PFKL: variants seen among roughly 807,000 people sequenced by gnomAD.
PFKL encodes the protein ATP-dependent 6-phosphofructokinase, liver type.
In PFKL, 74 loss-of-function variants were observed where a neutral mutation model predicts 92.1. That is an observed-to-expected ratio of 0.80 (90% CI 0.67 to 0.97). The LOEUF (loss-of-function observed/expected upper bound fraction) is 0.97. PFKL is among the 50% of genes least tolerant of loss of function. The probability of loss-of-function intolerance (pLI) is 0.00; values close to 1 mark genes in which losing one functional copy is unlikely to be tolerated. For synonymous variants in PFKL, 494 were observed against 456.4 expected, an observed-to-expected ratio of 1.08 and a Z score of -1.05; for missense variants, 1,028 against 1,116.6, an observed-to-expected ratio of 0.92 and a Z score of 1.13.
chr21:44,316,629 T>C (rs947503688), intron 9 of PFKL, 105 bp downstream of exon 9: 4 of 830,754 alleles, frequency 4.8e-6, no homozygotes, highest in Non-Finnish European at 7.5e-6. Flanking sequence ...ACTGTGTCCA[T>C]GTGGCTGTGG....
Position 44,300,149 on chromosome 21 carries a change from G to T in PFKL, c.44G>T (p.Gly15Val). Residue 15 changes from glycine to valine, a missense_variant, in exon 1 of 22, where the codon GGC (glycine) becomes GTC (valine). Physicochemically the swap from Gly to Val is moderately radical, Grantham distance 109 (BLOSUM62 -3). Transcript: ENST00000349048. ...DLEKLRASGA[G>V]KAIGVLTSGG... is the part of the protein sequence containing the mutation. Reference sequence around the variant, plus strand: ...GAGAAGCTGCGGGCGTCGGGCGCGGGCAAGGCCATCGGCGTCCTGACCAGC... The same window carrying T: ...GAGAAGCTGCGGGCGTCGGGCGCGGTCAAGGCCATCGGCGTCCTGACCAGC... 1.7e-6 allele frequency: 2 copies of T among 1,196,152 alleles called. No individual in the cohort carries two copies. The highest frequency in any genetic ancestry group is 2.1e-6 in the Non-Finnish European group (2 of 949,220). 74.1% of individuals were successfully genotyped at this position (1,196,152 alleles called of 1,614,324 possible).
In PFKL at chr21:44,309,449, CAG is replaced by C. The variant is rs1034030556; in HGVS notation, c.160-1554_160-1553del. The stretch of plus-strand genomic sequence containing the variant: ...GGGCCTAGGAGGACAGAGACGGAAA[CAG>C]AGTGGGTAGAGGGGGGCAAACAGCT... On this transcript the variant is annotated intron_variant, in intron 2 of 21. Coordinates refer to ENST00000349048, the MANE Select transcript of PFKL (RefSeq NM_002626.6). Among the ~76,000 whole-genome samples, 6 of 152,046 alleles carry C rather than the reference CAG, an allele frequency of 3.9e-5. No homozygotes were observed. In the South Asian group the frequency reaches 8.3e-4, roughly 21 times the overall value.
At position 44,304,204 on chromosome 21, in the gene PFKL, C is replaced by A. The variant is rs1208186738; in HGVS notation, c.86-2477C>A. On this transcript the variant is annotated intron_variant, in intron 1 of 21. Transcript: ENST00000349048. ...AAAGCAGGTTTTATTTTGCAGAGCA[C>A]CCTGAAGACATTTGGAAGTGAGGGG... 90 of 1,287,732 alleles carry A rather than the reference C, an allele frequency of 7.0e-5. 3 individuals carry two copies. Among genetic ancestry groups the A allele is most frequent in the South Asian group, 2.2e-4 (18 of 80,778 alleles). 79.8% of individuals were successfully genotyped at this position (1,287,732 alleles called of 1,614,324 possible).
At chr21:44,315,511 A>G (rs527729981) in intron 7 of PFKL, 3 of 152,748 alleles carry the variant, frequency 2.0e-5, no homozygotes, top group African/African-American at 7.2e-5. Flanking sequence ...AGCTGCTCCA[A>G]CCCTGTCCCT....
chr21:44,319,934 C>A (rs2047315314), intron 11 of PFKL, 150 bp from the exon 12 acceptor site: 2 of 673,806 alleles, frequency 3.0e-6, no homozygotes, highest in Non-Finnish European at 5.3e-6. Flanking sequence ...AGGTGCCCTG[C>A]CTGGCATGCG....
At chr21:44,304,362 C>G (rs1367048425) in intron 1 of PFKL, 2 of 1,282,634 alleles carry the variant, frequency 1.6e-6, no homozygotes, top group Admixed American at 2.4e-5. Context: ...CCGCCTGGAG[C>G]TGGGGAGACC....
intron 1 of PFKL, among the ~76,000 whole-genome samples, chr21:44,303,970 G>A (rs1320788000): frequency 6.6e-6 from 1 of 150,952 alleles, no homozygotes; most frequent in Non-Finnish European, 1.5e-5. Flanking sequence ...GTCTTTTGAA[G>A]ATTACAGCTT....
At chr21:44,326,595 T>G (rs2047518114) in intron 21 of PFKL, 120 bp from the exon 22 acceptor site, 2 of 1,240,756 alleles carry the variant, frequency 1.6e-6, no homozygotes, top group Non-Finnish European at 2.2e-6. Context: ...TACCGAGATG[T>G]TCAGACAGAG....
chr21:44,305,640 C>T (rs962326024), intron 1 of PFKL, among the ~76,000 whole-genome samples: 3 of 152,168 alleles, frequency 2.0e-5, no homozygotes, highest in African/African-American at 4.8e-5. Flanking sequence ...TGGCCGCTGG[C>T]GTGGGTTTCC....
At chr21:44,324,681 G>C (rs368143244) in intron 17 of PFKL, 26 bp downstream of exon 17, 2 of 1,566,210 alleles carry the variant, frequency 1.3e-6, no homozygotes, top group Admixed American at 3.5e-5. Flanking sequence ...CCCCTGCTGC[G>C]GCAGACCTGC....
chr21:44,307,362 T>C, intron 2 of PFKL: 1 of 952,606 alleles, frequency 1.0e-6, no homozygotes, highest in Non-Finnish European at 1.2e-6. Flanking sequence ...CTCACACATG[T>C]GCACACACAG....
Position 44,326,830 on chromosome 21 carries a change from C to G in PFKL, c.2311C>G (p.Arg771Gly), listed in dbSNP as rs1193605600. ...GTCAGGGGAGCTGGAGCACGTGACCCGCCGCACCCTGAGCATGGACAAGGG... is the reference window on the plus strand; with the variant it reads ...GTCAGGGGAGCTGGAGCACGTGACCGGCCGCACCCTGAGCATGGACAAGGG... Reference protein sequence around the residue: ...YVSGELEHVTRRTLSMDKGF With the variant: ...YVSGELEHVTGRTLSMDKGF The change falls in exon 22 of 22, where the codon CGC (arginine) becomes GGC (glycine). Residue 771 changes from arginine (R) to glycine (G), a missense_variant. By Grantham distance (125) the Arg-to-Gly change is moderately radical. Transcript: ENST00000349048. 5 of 1,610,030 alleles carry G rather than the reference C, an allele frequency of 3.1e-6. No individual in the cohort carries two copies. The highest frequency in any genetic ancestry group is 1.7e-5 in the Admixed American group (1 of 59,800).
At chr21:44,322,904 A>G (rs1271477119) in intron 14 of PFKL, 58 bp from the exon 15 acceptor site, 2 of 1,285,632 alleles carry the variant, frequency 1.6e-6, no homozygotes, top group Non-Finnish European at 1.1e-6. Context: ...GATCAGATGC[A>G]ATCTGGACAC....
At position 44,317,446 on chromosome 21, in the gene PFKL, A is replaced by G. The variant is rs552298408; in HGVS notation, c.936+922A>G. On this transcript the variant is annotated intron_variant, in intron 9 of 21. Coordinates refer to ENST00000349048, the MANE Select transcript of PFKL (RefSeq NM_002626.6). ...CTGTGAGGCCTCAGGCTCACTCTGA[A>G]GAGCCTCTTGAGGGGCCGGGGACAT... is the stretch of plus-strand genomic sequence containing the variant. 2.4e-4 allele frequency among the ~76,000 whole-genome samples: 37 copies of G among 152,286 alleles called. No homozygotes were observed. In the South Asian group the frequency reaches 7.7e-3, roughly 32 times the overall value.
intron 9 of PFKL, 72 bp from the exon 10 acceptor site, chr21:44,318,398 C>T (rs2047266135): frequency 2.2e-6 from 3 of 1,365,316 alleles, no homozygotes; most frequent in Non-Finnish European, 2.9e-6. Context: ...GTTTGCACAT[C>T]TACAGAGGAT....
At chr21:44,308,107 G>A (rs2041005082) in intron 2 of PFKL, among the ~76,000 whole-genome samples, 1 of 152,188 alleles carries the variant, frequency 6.6e-6, no homozygotes, top group African/African-American at 2.4e-5. Flanking sequence ...GGGGAATGCA[G>A]GAGGGTGAGT....
Position 44,313,799 on chromosome 21 carries a change from T to G in PFKL, c.639-114T>G. On this transcript the variant is annotated intron_variant, in intron 6 of 21. Coordinates refer to ENST00000349048, the MANE Select transcript of PFKL (RefSeq NM_002626.6). ...ATGCCATGGGTGTGAGAGAGCCGGG[T>G]GGGGGCCGGGAGAGACAGAGAAGCT... 2.3e-6 allele frequency: 3 copies of G among 1,331,592 alleles called. No individual in the cohort carries two copies. In the East Asian group the frequency reaches 7.5e-5, roughly 33 times the overall value. The allele number at this position is 1,331,592 out of a possible 1,614,324, so 82.5% of individuals were successfully genotyped here.
intron 1 of PFKL, chr21:44,305,171 TCA>T: frequency 6.3e-6 from 7 of 1,119,226 alleles, no homozygotes; most frequent in Non-Finnish European, 7.0e-6. Flanking sequence ...CTCTGGGATC[TCA>T]TTGGATTCCT....
chr21:44,320,030 C>A, intron 11 of PFKL, 54 bp from the exon 12 acceptor site: 1 of 1,513,898 alleles, frequency 6.6e-7, no homozygotes, highest in Non-Finnish European at 9.2e-7. Flanking sequence ...TGCGCTGTGG[C>A]TGTACGCCGT....
Sources: gnomAD v4.1 joint callset for allele counts (sites outside exome capture counted in the v4.1 genomes callset) on GRCh38, gnomAD v4.1.1 for gene constraint, MANE v1.5 for transcripts, NCBI Gene and HGNC (gene_info 2026-07-23, HGNC 2026-07-21) for gene names.